ZNF503: variants seen among roughly 807,000 people sequenced by gnomAD.
The protein encoded by ZNF503 is NocA-like zinc finger 2.
A neutral mutation model predicts 34.4 loss-of-function variants in ZNF503; 15 were observed. The observed-to-expected ratio is 0.44, with a 90% CI of 0.29 to 0.67. The LOEUF (loss-of-function observed/expected upper bound fraction) is 0.67, where lower values mean the gene tolerates loss of function less well. Among genes scored for constraint, ZNF503 ranks in the 30% least tolerant of loss-of-function variants. ZNF503 has a pLI of 0.13. For synonymous variants in ZNF503, 580 were observed against 456.8 expected (o/e 1.27, Z -3.44); for missense variants, 1,007 against 926.8 (o/e 1.09, Z -1.12).
the ZNF503 span, among the ~76,000 whole-genome samples, chr10:75,351,424 G>C: frequency 6.6e-6 from 1 of 152,108 alleles, no homozygotes; most frequent in Non-Finnish European, 1.5e-5. Context: ...TGCCCATCTC[G>C]GCCTCCCAAA....
chr10:75,392,476 A>G, the ZNF503 span, among the ~76,000 whole-genome samples: 1 of 152,158 alleles, frequency 6.6e-6, no homozygotes, highest in African/African-American at 2.4e-5. Flanking sequence ...GCTTCCTGGA[A>G]GAGGAGATTT....
At chr10:75,349,513 T>C in the ZNF503 span, among the ~76,000 whole-genome samples, 1 of 152,346 alleles carries the variant, frequency 6.6e-6, no homozygotes, top group East Asian at 1.9e-4. Context: ...GTGTCCGTCA[T>C]GTGATGTGGG....
chr10:75,354,433 C>T, the ZNF503 span, among the ~76,000 whole-genome samples: 3 of 152,198 alleles, frequency 2.0e-5, no homozygotes, highest in African/African-American at 7.2e-5. Context: ...TTGAATCTTG[C>T]TGGGCTTGGT....
chr10:75,399,923 T>G lies in ZNF503; in HGVS notation c.767A>C (p.Lys256Thr), dbSNP rs894393092. The G allele has an allele frequency of 3.0e-5, 48 of 1,606,342 alleles. 1 individual carries two copies. Among genetic ancestry groups the G allele is most frequent in the Non-Finnish European group, 4.0e-5 (47 of 1,179,076 alleles). The change falls in exon 2 of 2, where the codon AAA becomes ACA. Residue 256 changes from lysine (K) to threonine (T), a missense_variant. Transcript: ENST00000372524. ...GCCACCGCCGCCCACGTCGGTGTCTTTCTTGTCGTCCTTGCCCTCCGGGGC... is the reference window on the plus strand; with the variant it reads ...GCCACCGCCGCCCACGTCGGTGTCTGTCTTGTCGTCCTTGCCCTCCGGGGC... Reference protein sequence around the residue: ...GGAPEGKDDKKDTDVGGGGKG... With the variant: ...GGAPEGKDDKTDTDVGGGGKG...
At chr10:75,392,135 T>C in the ZNF503 span, among the ~76,000 whole-genome samples, 1 of 152,162 alleles carries the variant, frequency 6.6e-6, no homozygotes, top group Non-Finnish European at 1.5e-5. Flanking sequence ...TCATCACCTG[T>C]AAAATGGGGA....
chr10:75,388,115 G>A, the ZNF503 span, among the ~76,000 whole-genome samples: 6 of 152,176 alleles, frequency 3.9e-5, no homozygotes, highest in African/African-American at 1.4e-4. Flanking sequence ...TGCTAATCCT[G>A]GGGACAGCAG....
At chr10:75,393,631 G>A (rs1397016190), downstream of ZNF503, among the ~76,000 whole-genome samples, 1 of 152,148 alleles carries the variant, frequency 6.6e-6, no homozygotes, top group African/African-American at 2.4e-5. Flanking sequence ...GGCTAAGGTG[G>A]GAGTCACTTG....
chr10:75,334,411 A>C, the ZNF503 span, among the ~76,000 whole-genome samples: 1 of 152,178 alleles, frequency 6.6e-6, no homozygotes, highest in East Asian at 1.9e-4. Flanking sequence ...TTTATTATTT[A>C]GTCTTTCTCT....
chr10:75,368,326 A>ATAT, the ZNF503 span, among the ~76,000 whole-genome samples: 1 of 152,212 alleles, frequency 6.6e-6, no homozygotes, highest in Non-Finnish European at 1.5e-5. Context: ...TTTCAAGGGT[A>ATAT]CCAATAAGAA....
the ZNF503 span, chr10:75,296,312 T>A: frequency 6.6e-6 from 1 of 152,410 alleles, no homozygotes. Context: ...GCATGAGAAC[T>A]GGGTATTAGG....
At chr10:75,292,552 G>A in the ZNF503 span, among the ~76,000 whole-genome samples, 1 of 152,234 alleles carries the variant, frequency 6.6e-6, no homozygotes, top group Non-Finnish European at 1.5e-5. Context: ...GGATTGAAGA[G>A]CATATCTCTT....
chr10:75,344,685 C>T, the ZNF503 span, among the ~76,000 whole-genome samples: 1 of 152,224 alleles, frequency 6.6e-6, no homozygotes, highest in African/African-American at 2.4e-5. Context: ...GAAAAGAATA[C>T]ATCTCTATTT....
chr10:75,377,035 C>G, the ZNF503 span, among the ~76,000 whole-genome samples: 1 of 152,224 alleles, frequency 6.6e-6, no homozygotes, highest in South Asian at 2.1e-4. Context: ...GCAACATCAG[C>G]ATCACCTGGG....
chr10:75,374,079 C>T, the ZNF503 span, among the ~76,000 whole-genome samples: 1 of 152,168 alleles, frequency 6.6e-6, no homozygotes, highest in Non-Finnish European at 1.5e-5. Flanking sequence ...TTCGGGAGAC[C>T]GAGGCAGGTG....
chr10:75,281,973 C>G, the ZNF503 span, among the ~76,000 whole-genome samples: 1 of 152,262 alleles, frequency 6.6e-6, no homozygotes, highest in African/African-American at 2.4e-5. Flanking sequence ...ACTCAGGTCT[C>G]TTCCATCAGA....
the ZNF503 span, among the ~76,000 whole-genome samples, chr10:75,321,427 G>T: frequency 6.6e-6 from 1 of 152,228 alleles, no homozygotes; most frequent in Non-Finnish European, 1.5e-5. Flanking sequence ...TTAACAGGCA[G>T]AGGCAGGAAC....
At chr10:75,370,059 A>AAAATAAATAAAT in the ZNF503 span, among the ~76,000 whole-genome samples, 375 of 142,774 alleles carry the variant, frequency 2.6e-3, no homozygotes, top group Middle Eastern at 3.6e-3. Flanking sequence ...ACTACATGTC[A>AAAATAAATAAAT]AAATAAATAA....
chr10:75,391,454 C>G, the ZNF503 span, among the ~76,000 whole-genome samples: 1 of 152,202 alleles, frequency 6.6e-6, no homozygotes, highest in Non-Finnish European at 1.5e-5. Flanking sequence ...ACCCTAGGTT[C>G]TTGGTGACCG....
the ZNF503 span, among the ~76,000 whole-genome samples, chr10:75,342,311 G>T: frequency 6.6e-6 from 1 of 152,070 alleles, no homozygotes; most frequent in African/African-American, 2.4e-5. Context: ...TGTTTTTTTG[G>T]TCAGGTTCCC....
Sources: gnomAD v4.1 joint callset for allele counts (sites outside exome capture counted in the v4.1 genomes callset) on GRCh38, gnomAD v4.1.1 for gene constraint, MANE v1.5 for transcripts, NCBI Gene and HGNC (gene_info 2026-07-23, HGNC 2026-07-21) for gene names.